The following SCFD2 variants were observed in gnomAD, a reference collection of about 807,000 sequenced individuals.
The protein encoded by SCFD2 is sec1 family domain containing 2.
In SCFD2, 54 loss-of-function variants were observed where a neutral mutation model predicts 58.9. The ratio of observed to expected loss-of-function variants is 0.92; its 90% CI spans 0.74 to 1.15. The LOEUF is 1.15. Among genes scored for constraint, SCFD2 ranks in the 50% most tolerant of loss-of-function variants. The pLI is 0.00. For missense variants in SCFD2, 805 were observed against 836.6 expected, an observed-to-expected ratio of 0.96 and a Z score of 0.47; for synonymous variants, 321 against 335.9, an observed-to-expected ratio of 0.96 and a Z score of 0.49.
intron 3 of SCFD2, among the ~76,000 whole-genome samples, chr4:53,277,802 C>T (rs1731372650): frequency 6.6e-6 from 1 of 152,148 alleles, no homozygotes; most frequent in Admixed American, 6.5e-5. Flanking sequence ...CCTGTAATCG[C>T]AGCTCTTTGG....
chr4:53,223,853 A>G (rs1729119991), intron 4 of SCFD2, among the ~76,000 whole-genome samples: 1 of 152,220 alleles, frequency 6.6e-6, no homozygotes, highest in African/African-American at 2.4e-5. Context: ...TAAACTTAAT[A>G]TATAAAAAGC....
intron 4 of SCFD2, among the ~76,000 whole-genome samples, chr4:53,198,787 T>C (rs1419638536): frequency 1.3e-5 from 2 of 152,062 alleles, no homozygotes; most frequent in African/African-American, 4.8e-5. Flanking sequence ...CCAGGTTTTC[T>C]CAACTGTTGT....
At chr4:53,016,910 C>A (rs937472378) in intron 5 of SCFD2, among the ~76,000 whole-genome samples, 4 of 152,166 alleles carry the variant, frequency 2.6e-5, no homozygotes, top group Admixed American at 6.5e-5. Flanking sequence ...AGTTCGAGAC[C>A]ATCCTGGCTA....
At chr4:52,875,695 G>A (rs1718452627) in intron 8 of SCFD2, among the ~76,000 whole-genome samples, 1 of 150,822 alleles carries the variant, frequency 6.6e-6, no homozygotes, top group South Asian at 2.1e-4. Flanking sequence ...AGTATTTCTT[G>A]TTGTTAAAGA....
chr4:53,097,889 A>C (rs1008325252), intron 5 of SCFD2, among the ~76,000 whole-genome samples: 51 of 152,190 alleles, frequency 3.4e-4, no homozygotes, highest in Admixed American at 2.6e-3. Context: ...AGATATGTCC[A>C]ATCAATACTT....
At chr4:53,053,171 G>C (rs1216632379) in intron 5 of SCFD2, among the ~76,000 whole-genome samples, 1 of 150,206 alleles carries the variant, frequency 6.7e-6, no homozygotes, top group Non-Finnish European at 1.5e-5. Flanking sequence ...GTTGCAGTGA[G>C]CCAAGATCAT....
At position 53,239,162 on chromosome 4, in the gene SCFD2, T is replaced by C. The variant is rs11724845; in HGVS notation, c.1311+34664A>G. On this transcript the variant is annotated intron_variant, in intron 4 of 8. Coordinates refer to ENST00000401642, the MANE Select transcript of SCFD2 (RefSeq NM_152540.4). Reference sequence around the variant, plus strand: ...TCACGTGCGGTTAGGGGCTGGAGACTGGCCTGGCCAACACAGCGAAACCCC... The same window carrying C: ...TCACGTGCGGTTAGGGGCTGGAGACCGGCCTGGCCAACACAGCGAAACCCC... 3.0e-3 allele frequency among the ~76,000 whole-genome samples: 420 copies of C among 141,948 alleles called. 1 individual carries two copies. The highest frequency in any genetic ancestry group is 0.011 in the African/African-American group (386 of 35,954). The allele number at this position is 141,948 out of a possible 152,430, so 93.1% of individuals were successfully genotyped here.
At chr4:53,044,744 AAGAT>A in intron 5 of SCFD2, among the ~76,000 whole-genome samples, 1 of 152,040 alleles carries the variant, frequency 6.6e-6, no homozygotes, top group African/African-American at 2.4e-5. Flanking sequence ...GCTCTGTCCT[AAGAT>A]TATTGGCAGT....
chr4:53,205,254 C>T (rs2148972347), intron 4 of SCFD2, among the ~76,000 whole-genome samples: 1 of 152,086 alleles, frequency 6.6e-6, no homozygotes. Context: ...GACAAGCACA[C>T]TGAAAGCTAT....
chr4:53,122,993 A>G (rs1577747816), intron 5 of SCFD2, among the ~76,000 whole-genome samples: 2 of 152,004 alleles, frequency 1.3e-5, no homozygotes, highest in East Asian at 3.9e-4. Context: ...GAACTGTGAG[A>G]TTATTTGGAA....
intron 3 of SCFD2, among the ~76,000 whole-genome samples, chr4:53,293,690 A>G (rs572261753): frequency 9.8e-5 from 15 of 152,308 alleles, no homozygotes; most frequent in African/African-American, 3.4e-4. Context: ...GAACAACTGA[A>G]AAGTTTTTTC....
chr4:53,080,109 T>C (rs1465780505), intron 5 of SCFD2, among the ~76,000 whole-genome samples: 1 of 152,176 alleles, frequency 6.6e-6, no homozygotes, highest in East Asian at 1.9e-4. Context: ...CCAAGTGTTC[T>C]AGCAACGAAA....
intron 4 of SCFD2, among the ~76,000 whole-genome samples, chr4:53,165,462 C>T (rs1344767069): frequency 1.3e-5 from 2 of 152,156 alleles, no homozygotes; most frequent in African/African-American, 4.8e-5. Context: ...AGATCCATGG[C>T]ATGCAATGGA....
intron 5 of SCFD2, among the ~76,000 whole-genome samples, chr4:53,025,633 A>G (rs1722454525): frequency 1.3e-5 from 2 of 152,214 alleles, no homozygotes; most frequent in Admixed American, 6.5e-5. Context: ...CAAGAGCTGA[A>G]TATTTCCATT....
intron 6 of SCFD2, among the ~76,000 whole-genome samples, chr4:52,913,241 GT>G (rs1385967751): frequency 5.7e-4 from 87 of 152,268 alleles, no homozygotes; most frequent in African/African-American, 2.0e-3. Flanking sequence ...TTCGTGGCCT[GT>G]TAGGAACCGG....
intron 5 of SCFD2, among the ~76,000 whole-genome samples, chr4:52,982,596 GT>G (rs1221896953): frequency 6.6e-6 from 1 of 152,098 alleles, no homozygotes; most frequent in Non-Finnish European, 1.5e-5. Flanking sequence ...ATAGCTTATT[GT>G]TTGGATGTTA....
At chr4:52,886,537 C>G (rs1436294602) in intron 7 of SCFD2, among the ~76,000 whole-genome samples, 1 of 152,246 alleles carries the variant, frequency 6.6e-6, no homozygotes, top group African/African-American at 2.4e-5. Context: ...AGTGCACAAG[C>G]CAGGTATGGC....
At chr4:53,296,877 G>A (rs546399152) in intron 3 of SCFD2, among the ~76,000 whole-genome samples, 50 of 152,130 alleles carry the variant, frequency 3.3e-4, no homozygotes, top group Non-Finnish European at 6.0e-4. Flanking sequence ...CTTTATTTCC[G>A]CCTTTATTTC....
chr4:53,195,778 G>A (rs1232115039), intron 4 of SCFD2, among the ~76,000 whole-genome samples: 1 of 152,112 alleles, frequency 6.6e-6, no homozygotes, highest in East Asian at 1.9e-4. Context: ...ATAGTGCCCT[G>A]TTATTACACA....
Sources: allele counts gnomAD v4.1 joint callset (sites outside exome capture counted in the v4.1 genomes callset), GRCh38; gene constraint gnomAD v4.1.1; transcripts MANE v1.5; gene names NCBI Gene and HGNC (gene_info 2026-07-23, HGNC 2026-07-21).